The following OPCML variants were observed in gnomAD, a reference collection of about 807,000 sequenced individuals.
The protein encoded by OPCML is opioid-binding protein/cell adhesion molecule.
Under a neutral mutation model 37.8 loss-of-function variants are expected in OPCML, and 13 were observed. The ratio of observed to expected loss-of-function variants is 0.34; its 90% CI spans 0.22 to 0.55. The LOEUF is 0.55. Among genes scored for constraint, OPCML ranks in the 20% least tolerant of loss-of-function variants. The pLI, the probability that OPCML is intolerant of heterozygous loss-of-function variation, is 0.91. For synonymous variants in OPCML, 176 were observed against 168.8 expected, an observed-to-expected ratio of 1.04 and a Z score of -0.33; for missense variants, 341 against 435.6, an observed-to-expected ratio of 0.78 and a Z score of 1.93.
chr11:132,573,511 A>C (rs1338912610), intron 3 of OPCML, among the ~76,000 whole-genome samples: 2 of 152,046 alleles, frequency 1.3e-5, no homozygotes, highest in African/African-American at 4.8e-5. Context: ...TATTGAGATA[A>C]TCATGTGATT....
At chr11:133,098,764 T>C (rs566694097) in intron 1 of OPCML, among the ~76,000 whole-genome samples, 1 of 152,228 alleles carries the variant, frequency 6.6e-6, no homozygotes, top group African/African-American at 2.4e-5. Context: ...TAAGAATAAG[T>C]CAGAGATGTT....
intron 1 of OPCML, among the ~76,000 whole-genome samples, chr11:133,099,439 T>C (rs1029042426): frequency 9.2e-4 from 109 of 118,886 alleles, no homozygotes; most frequent in Non-Finnish European, 1.5e-3. Flanking sequence ...ATTTTCTTTT[T>C]TTCTTTTTTT....
At chr11:133,165,653 C>T (rs1950199372) in intron 1 of OPCML, among the ~76,000 whole-genome samples, 1 of 152,174 alleles carries the variant, frequency 6.6e-6, no homozygotes, top group African/African-American at 2.4e-5. Context: ...GGAGGCTGTG[C>T]CCTCAGCTTT....
chr11:133,008,519 G>A (rs1015619640), intron 1 of OPCML: 88 of 766,954 alleles, frequency 1.1e-4, no homozygotes, highest in Non-Finnish European at 1.3e-4. Flanking sequence ...AGGAATATTC[G>A]CTGTGGAAGG....
intron 2 of OPCML, among the ~76,000 whole-genome samples, chr11:132,941,860 G>A (rs1308712851): frequency 6.6e-6 from 1 of 152,186 alleles, no homozygotes. Context: ...CCAGGGAGAG[G>A]CTTGTCTAGA....
rs190662520 is a variant in OPCML at position 133,206,396 on chromosome 11, G to A, written c.62-263386C>T. On this transcript the variant is annotated intron_variant, in intron 1 of 7. Transcript: ENST00000524381. This position sits in a 1 kb window ranked among gnomAD's most constrained non-coding sequence, Gnocchi z 4.7. ...CATTTAGGAAACTGCATAACTTCTG[G>A]AGTCCTCAGTTTCCTGAGCTATGAA... Among the ~76,000 whole-genome samples the A allele has an allele frequency of 6.6e-6, 1 of 152,128 alleles. No homozygotes were observed. Among genetic ancestry groups the A allele is most frequent in the Non-Finnish European group, 1.5e-5 (1 of 68,014 alleles).
intron 1 of OPCML, among the ~76,000 whole-genome samples, chr11:133,334,561 G>A (rs1177550647): frequency 6.6e-6 from 1 of 152,104 alleles, no homozygotes; most frequent in African/African-American, 2.4e-5. Context: ...TTAACACCTG[G>A]GTGATGTAAT....
At chr11:133,421,492 C>T in intron 1 of OPCML, 1 of 985,440 alleles carries the variant, frequency 1.0e-6, no homozygotes. Flanking sequence ...CTATCTACAA[C>T]ACTTTAATTA....
At chr11:132,984,686 C>T (rs1293782313) in intron 1 of OPCML, among the ~76,000 whole-genome samples, 1 of 152,110 alleles carries the variant, frequency 6.6e-6, no homozygotes, top group Non-Finnish European at 1.5e-5. Context: ...AGAACTCTAA[C>T]CAAAGACCAC....
chr11:133,532,165 A>G, intron 1 of OPCML, 99 bp downstream of exon 1: 1 of 1,537,684 alleles, frequency 6.5e-7, no homozygotes, highest in Admixed American at 2.0e-5. Context: ...CCCTGTCCTC[A>G]CCCCTTCCTC....
chr11:133,532,234 G>A (rs780683108), intron 1 of OPCML, 30 bp downstream of exon 1: 2 of 1,611,118 alleles, frequency 1.2e-6, no homozygotes, highest in Non-Finnish European at 1.7e-6. Flanking sequence ...TCACCCCAGG[G>A]AGAGAAAACA....
rs150918614 is a variant in OPCML, at chr11:133,419,379, G to A, written c.61+112885C>T. ...TGCTGGAGTCAGCTTCTACCCACTC[G>A]TCAGAGCTTATTGCTAAATTTTCAG... On this transcript the variant is annotated intron_variant, in intron 1 of 7. Coordinates refer to ENST00000524381, the MANE Select transcript of OPCML (RefSeq NM_001012393.5). 8.7e-5 allele frequency: 85 copies of A among 978,326 alleles called. No homozygotes were observed. The African/African-American group carries it at 1.2e-3, about 14-fold the overall frequency. 60.6% of individuals were successfully genotyped at this position (978,326 alleles called of 1,614,324 possible).
intron 1 of OPCML, among the ~76,000 whole-genome samples, chr11:133,180,273 C>T (rs1348477218): frequency 2.0e-5 from 3 of 152,094 alleles, no homozygotes; most frequent in African/African-American, 7.2e-5. Context: ...CTGCCCAGAC[C>T]TGGCCTATGC....
chr11:132,616,499 C>T (rs1939030534), intron 3 of OPCML, among the ~76,000 whole-genome samples: 1 of 152,100 alleles, frequency 6.6e-6, no homozygotes, highest in Non-Finnish European at 1.5e-5. Context: ...ATGTATTAAC[C>T]TTCTAGGATC....
At chr11:132,544,525 C>A (rs1429285893) in intron 3 of OPCML, among the ~76,000 whole-genome samples, 3 of 152,076 alleles carry the variant, frequency 2.0e-5, no homozygotes, top group Non-Finnish European at 2.9e-5. Context: ...AGCAGTCCTG[C>A]CAAAAATGTT....
At chr11:133,280,075 G>T (rs1361923913) in intron 1 of OPCML, among the ~76,000 whole-genome samples, 2 of 152,286 alleles carry the variant, frequency 1.3e-5, no homozygotes, top group Middle Eastern at 3.4e-3. Flanking sequence ...TGAGCATTGG[G>T]AGTGCAGAGT....
At chr11:133,033,492 C>A (rs1412917088) in intron 1 of OPCML, among the ~76,000 whole-genome samples, 3 of 152,192 alleles carry the variant, frequency 2.0e-5, no homozygotes, top group Non-Finnish European at 4.4e-5. Context: ...CCATAGAAAT[C>A]AAAATCAAAA....
At chr11:132,611,965 A>G (rs1025237443) in intron 3 of OPCML, among the ~76,000 whole-genome samples, 3 of 152,162 alleles carry the variant, frequency 2.0e-5, no homozygotes, top group Non-Finnish European at 2.9e-5. Flanking sequence ...GTTCCACAGG[A>G]AAAACAGCCT....
chr11:132,598,130 C>T (rs1281786992), intron 3 of OPCML, among the ~76,000 whole-genome samples: 4 of 152,130 alleles, frequency 2.6e-5, no homozygotes, highest in East Asian at 3.9e-4. Context: ...GTGGGAGGGG[C>T]GTAAGGATAC....
Sources: allele counts gnomAD v4.1 joint callset (sites outside exome capture counted in the v4.1 genomes callset), GRCh38; gene constraint gnomAD v4.1.1; non-coding constraint Gnocchi (gnomAD v3.1); transcripts MANE v1.5; gene names NCBI Gene and HGNC (gene_info 2026-07-23, HGNC 2026-07-21).